ADAMTS3: variants seen among roughly 807,000 people sequenced by gnomAD.
ADAMTS3 encodes the protein A disintegrin and metalloproteinase with thrombospondin motifs 3.
ADAMTS3 carries 73 observed loss-of-function variants against 129.0 expected under a neutral mutation model. That is an observed-to-expected ratio of 0.57 (90% confidence interval 0.47 to 0.69). The LOEUF (loss-of-function observed/expected upper bound fraction) is 0.69, where lower values mean the gene tolerates loss of function less well. Among genes scored for constraint, ADAMTS3 ranks in the 30% least tolerant of loss-of-function variants. The probability of loss-of-function intolerance (pLI) is 0.00; values close to 1 mark genes in which losing one functional copy is unlikely to be tolerated. For missense variants in ADAMTS3, 1,457 were observed against 1,514.5 expected (o/e 0.96, Z 0.63); for synonymous variants, 477 against 510.8 (o/e 0.93, Z 0.89).
Position 72,283,660 on chromosome 4 carries a change from C to T in ADAMTS3, c.3094G>A (p.Val1032Met), listed in dbSNP as rs770743867. 4 of 1,610,844 alleles carry T rather than the reference C, an allele frequency of 2.5e-6. No homozygotes were observed. The highest frequency in any genetic ancestry group is 1.3e-5 in the African/African-American group (1 of 74,958). ...GDKSIFCQMEVLARYCSIPGY... is the reference protein window; with the variant it reads ...GDKSIFCQMEMLARYCSIPGY... ...GGTATGGAGCAGTATCGTGCCAACA[C>T]TTCCATTTGACAGAATATGGACTTG... The change falls in exon 22 of 22, where the codon GTG (valine) becomes ATG (methionine). Residue 1032 changes from valine to methionine, a missense_variant. Coordinates refer to ENST00000286657, the MANE Select transcript of ADAMTS3 (RefSeq NM_014243.3).
chr4:72,514,739 G>A (rs949771172), intron 3 of ADAMTS3, among the ~76,000 whole-genome samples: 1 of 151,798 alleles, frequency 6.6e-6, no homozygotes, highest in African/African-American at 2.4e-5. Flanking sequence ...CAAACCTCAA[G>A]GGTAAAACTA....
intron 4 of ADAMTS3, among the ~76,000 whole-genome samples, chr4:72,364,764 T>A (rs1720827487): frequency 6.6e-6 from 1 of 152,080 alleles, no homozygotes; most frequent in African/African-American, 2.4e-5. Context: ...TTTAAAAAAA[T>A]GTTAAATAGA....
At chr4:72,531,069 T>A (rs887534599) in intron 3 of ADAMTS3, among the ~76,000 whole-genome samples, 1 of 151,486 alleles carries the variant, frequency 6.6e-6, no homozygotes, top group Non-Finnish European at 1.5e-5. Flanking sequence ...AAGGGGGCAA[T>A]AATTGGCCGA....
At chr4:72,360,632 C>T (rs1019730876) in intron 4 of ADAMTS3, among the ~76,000 whole-genome samples, 3 of 151,916 alleles carry the variant, frequency 2.0e-5, no homozygotes, top group Non-Finnish European at 4.4e-5. Flanking sequence ...TGCACATATA[C>T]AACCCAAATA....
chr4:72,297,037 A>G (rs1718828170), intron 18 of ADAMTS3, among the ~76,000 whole-genome samples: 1 of 152,144 alleles, frequency 6.6e-6, no homozygotes, highest in Non-Finnish European at 1.5e-5. Context: ...ACATAAAGTG[A>G]TGTTGTGTCT....
chr4:72,412,761 C>T (rs949570684), intron 4 of ADAMTS3, among the ~76,000 whole-genome samples: 8 of 152,006 alleles, frequency 5.3e-5, no homozygotes, highest in African/African-American at 1.7e-4. Context: ...ACTCCTTTTG[C>T]TCTGACCCAT....
chr4:72,365,708 G>T (rs546449349), intron 4 of ADAMTS3, among the ~76,000 whole-genome samples: 1 of 152,142 alleles, frequency 6.6e-6, no homozygotes, highest in East Asian at 1.9e-4. Context: ...AACATGGATG[G>T]TACTAAAAAA....
At chr4:72,545,363 T>C (rs1301335391) in intron 3 of ADAMTS3, among the ~76,000 whole-genome samples, 2 of 152,112 alleles carry the variant, frequency 1.3e-5, no homozygotes, top group East Asian at 3.9e-4. Context: ...AGACCTGGCA[T>C]AGGCAAGCAT....
At chr4:72,315,684 A>G (rs1455235074) in intron 11 of ADAMTS3, among the ~76,000 whole-genome samples, 174 bp downstream of exon 11, 1 of 152,194 alleles carries the variant, frequency 6.6e-6, no homozygotes, top group Non-Finnish European at 1.5e-5. Flanking sequence ...AAAATTTGTT[A>G]CCTTAGCCAC....
In ADAMTS3 at chr4:72,418,768, C is replaced by T. The variant is rs551427404; in HGVS notation, c.505-3797G>A. Among the ~76,000 whole-genome samples, 5 of 152,294 alleles carry T rather than the reference C, an allele frequency of 3.3e-5. No individual in the cohort carries two copies. The South Asian group carries it at 1.0e-3, about 32-fold the overall frequency. ...AGTCTCAACCTCCAAAAAGATCATG[C>T]CACTCCTTTGCTTAAAACACTTTAA... On this transcript the variant is annotated intron_variant, in intron 3 of 21. Transcript: ENST00000286657.
At chr4:72,466,719 C>T (rs1718930000) in intron 3 of ADAMTS3, among the ~76,000 whole-genome samples, 1 of 152,024 alleles carries the variant, frequency 6.6e-6, no homozygotes. Context: ...CTACCCTTGA[C>T]CATCTTCTCT....
At chr4:72,463,998 T>A (rs1301197869) in intron 3 of ADAMTS3, among the ~76,000 whole-genome samples, 3 of 151,892 alleles carry the variant, frequency 2.0e-5, no homozygotes, top group Non-Finnish European at 2.9e-5. Context: ...AGCCCTCCAG[T>A]CTAAACTTCT....
chr4:72,296,368 A>T (rs139248116), intron 18 of ADAMTS3, among the ~76,000 whole-genome samples: 1 of 152,200 alleles, frequency 6.6e-6, no homozygotes, highest in East Asian at 1.9e-4. Flanking sequence ...AGATCTTGAA[A>T]GCCTTCAGTG....
rs867717564 is a variant in ADAMTS3 at position 72,418,384 on chromosome 4, C to G, written c.505-3413G>C. Among the ~76,000 whole-genome samples, 10 of 152,196 alleles carry G rather than the reference C, an allele frequency of 6.6e-5. No homozygotes were observed. In the South Asian group the frequency reaches 8.3e-4, roughly 13 times the overall value. ...TGAATTTGGTAGCAAGTGGAGCAAG[C>G]ATGTAAGGGCTCAAAACATCAGGTG... On this transcript the variant is annotated intron_variant, in intron 3 of 21. Coordinates refer to ENST00000286657, the MANE Select transcript of ADAMTS3 (RefSeq NM_014243.3).
chr4:72,386,589 AAG>A (rs143849397), intron 4 of ADAMTS3, among the ~76,000 whole-genome samples: 45 of 149,458 alleles, frequency 3.0e-4, no homozygotes, highest in Admixed American at 2.7e-4. Context: ...GGGATGGGGG[AAG>A]AGAGAGAGAG....
chr4:72,562,465 A>G (rs1157076403), intron 2 of ADAMTS3, among the ~76,000 whole-genome samples: 1 of 152,224 alleles, frequency 6.6e-6, no homozygotes, highest in Non-Finnish European at 1.5e-5. Context: ...AAATACTGTT[A>G]GGAAAATGAT....
chr4:72,445,361 T>G lies in ADAMTS3; in HGVS notation c.505-30390A>C, dbSNP rs190852270. Among the ~76,000 whole-genome samples the G allele has an allele frequency of 2.0e-3, 309 of 151,864 alleles. 3 individuals are homozygous for G. Among genetic ancestry groups the G allele is most frequent in the African/African-American group, 7.2e-3 (300 of 41,510 alleles). On this transcript the variant is annotated intron_variant, in intron 3 of 21. Coordinates refer to ENST00000286657, the MANE Select transcript of ADAMTS3 (RefSeq NM_014243.3). ...AAACTGGGAGAGAAAACTCTTCTCC[T>G]GAGTCTAAAGCCAGGAACTGAACAT...
At chr4:72,417,348 C>T (rs1157572981) in intron 3 of ADAMTS3, among the ~76,000 whole-genome samples, 2 of 152,146 alleles carry the variant, frequency 1.3e-5, no homozygotes, top group African/African-American at 2.4e-5. Flanking sequence ...ATAGGGAGGG[C>T]AGTGAGGATT....
rs1249007013 is a variant in ADAMTS3, at chr4:72,320,949, T to C, written c.946-79A>G. 4.2e-6 allele frequency: 6 copies of C among 1,443,598 alleles called. No homozygotes were observed. The Admixed American group carries it at 1.1e-4, about 26-fold the overall frequency. The allele number at this position is 1,443,598 out of a possible 1,614,324, so 89.4% of individuals were successfully genotyped here. On this transcript the variant is annotated intron_variant, in intron 6 of 21. Transcript: ENST00000286657. ...TTTGATAATTTCCTCTGAAGCTGAA[T>C]TTGGGATTAAAGTATTTAAACAATG... is the stretch of plus-strand genomic sequence containing the variant.
Sources: allele counts gnomAD v4.1 joint callset (sites outside exome capture counted in the v4.1 genomes callset), GRCh38; gene constraint gnomAD v4.1.1; transcripts MANE v1.5; gene names NCBI Gene and HGNC (gene_info 2026-07-23, HGNC 2026-07-21).